SEMA4D: variants seen among roughly 807,000 people sequenced by gnomAD.
The protein encoded by SEMA4D is semaphorin-4D.
In SEMA4D, 22 loss-of-function variants were observed where a neutral mutation model predicts 74.8. The observed-to-expected ratio is 0.29, with a 90% CI of 0.21 to 0.42. The LOEUF (loss-of-function observed/expected upper bound fraction) is 0.42. Among genes scored for constraint, SEMA4D ranks in the 10% least tolerant of loss-of-function variants. The probability of loss-of-function intolerance (pLI) is 1.00; values close to 1 mark genes in which losing one functional copy is unlikely to be tolerated. For synonymous variants in SEMA4D, 445 were observed against 463.7 expected (o/e 0.96, Z 0.52); for missense variants, 937 against 1,118.4 (o/e 0.84, Z 2.31).
chr9:89,385,817 C>G (rs936249162), intron 13 of SEMA4D: 3 of 798,256 alleles, frequency 3.8e-6, no homozygotes, highest in Non-Finnish European at 4.5e-6. Flanking sequence ...TTGGAGGTCC[C>G]GTTAGGAGCC....
At chr9:89,361,614 A>G (rs1832771949) in exon 19 of SEMA4D, 1 of 152,230 alleles carries the variant, frequency 6.6e-6, no homozygotes, top group African/African-American at 2.4e-5. Flanking sequence ...TCGTCAAGAA[A>G]TTTAATATGG....
Position 89,427,447 on chromosome 9 carries a change from C to A in SEMA4D, c.-243-21748G>T, listed in dbSNP as rs575935543. 1.3e-3 allele frequency among the ~76,000 whole-genome samples: 198 copies of A among 152,278 alleles called. 2 individuals are homozygous for A. The highest frequency in any genetic ancestry group is 2.3e-3 in the Non-Finnish European group (156 of 68,002). On this transcript the variant is annotated intron_variant, in intron 2 of 15. Coordinates refer to ENST00000422704, the MANE Select transcript of SEMA4D (RefSeq NM_001371194.2). ...GAGACAGCCGGGGCCTGGGGAGTAA[C>A]CCCTGCCGTCCTCTCAGTGTGAAAG... is the stretch of plus-strand genomic sequence containing the variant.
exon 19 of SEMA4D, chr9:89,362,342 G>A (rs565977328): frequency 8.1e-6 from 13 of 1,613,990 alleles, no homozygotes; most frequent in Admixed American, 5.0e-5. Flanking sequence ...GGTGGCTGTG[G>A]TCAGTGGCAG....
chr9:89,491,667 T>G (rs532525730), intron 1 of SEMA4D, among the ~76,000 whole-genome samples: 2 of 152,110 alleles, frequency 1.3e-5, no homozygotes, highest in Non-Finnish European at 2.9e-5. Context: ...AGGGGTGCAA[T>G]GCCGCTGGTG....
chr9:89,441,733 A>G (rs991405205), intron 2 of SEMA4D, among the ~76,000 whole-genome samples: 1 of 152,062 alleles, frequency 6.6e-6, no homozygotes, highest in African/African-American at 2.4e-5. Context: ...TTCAGCCCCA[A>G]TACCTGTCTA....
intron 1 of SEMA4D, chr9:89,472,316 G>T: frequency 2.3e-6 from 1 of 438,450 alleles, no homozygotes. Flanking sequence ...GGCCAGAAAG[G>T]AGGAGGAGAT....
Position 89,455,909 on chromosome 9 carries a change from C to T in SEMA4D, c.-265G>A, listed in dbSNP as rs1008726043. ...TTACCAAACCATCAGTGTCGTCAAA[C>T]ATTTCAGCACATGGTTTCTTTCCAC... On this transcript the variant is annotated 5_prime_UTR_variant, in exon 2 of 16. It removes an upstream start codon present in the reference 5' UTR. Coordinates refer to ENST00000422704, the MANE Select transcript of SEMA4D (RefSeq NM_001371194.2). 5.3e-5 allele frequency: 8 copies of T among 152,282 alleles called. No individual in the cohort carries two copies. The highest frequency in any genetic ancestry group is 1.9e-4 in the African/African-American group (8 of 41,472). 9.4% of individuals were successfully genotyped at this position (152,282 alleles called of 1,614,324 possible).
At chr9:89,451,431 C>A (rs1217960543) in intron 2 of SEMA4D, among the ~76,000 whole-genome samples, 1 of 152,204 alleles carries the variant, frequency 6.6e-6, no homozygotes, top group Non-Finnish European at 1.5e-5. Flanking sequence ...CTCAACCTTA[C>A]CCTTTTCTCT....
intron 13 of SEMA4D, 198 bp downstream of exon 13, chr9:89,386,169 G>C: frequency 2.8e-6 from 2 of 723,666 alleles, no homozygotes; most frequent in Non-Finnish European, 1.7e-6. Context: ...CCCCAGGTCT[G>C]CCTTCCTGCC....
At chr9:89,480,617 C>T (rs533230715) in intron 1 of SEMA4D, among the ~76,000 whole-genome samples, 8 of 152,344 alleles carry the variant, frequency 5.3e-5, no homozygotes, top group Admixed American at 4.6e-4. Flanking sequence ...GGTGGGCCAG[C>T]ACTGCTGGGG....
chr9:89,383,681 T>A lies in SEMA4D; in HGVS notation c.1447-2335A>T, dbSNP rs374011174. Among the ~76,000 whole-genome samples the A allele has an allele frequency of 4.1e-4, 62 of 152,238 alleles. 3 individuals are homozygous for A. The South Asian group carries it at 0.01, about 25-fold the overall frequency. Reference sequence around the variant, plus strand: ...AAATGCACACTGGCTATGTGAGACATCGGACATGTGGAGCTAGGTGGGGGC... The same window carrying A: ...AAATGCACACTGGCTATGTGAGACAACGGACATGTGGAGCTAGGTGGGGGC... On this transcript the variant is annotated intron_variant, in intron 13 of 15. Coordinates refer to ENST00000422704, the MANE Select transcript of SEMA4D (RefSeq NM_001371194.2).
intron 2 of SEMA4D, among the ~76,000 whole-genome samples, chr9:89,454,203 C>T (rs990256266): frequency 6.6e-6 from 1 of 152,200 alleles, no homozygotes; most frequent in African/African-American, 2.4e-5. Context: ...AGGGCCAAGG[C>T]ACCCCTGAGG....
chr9:89,471,094 T>C (rs1029774962), intron 1 of SEMA4D, among the ~76,000 whole-genome samples: 3 of 152,244 alleles, frequency 2.0e-5, no homozygotes, highest in African/African-American at 2.4e-5. Flanking sequence ...ACCAATTTGA[T>C]TGAAATGTCT....
intron 2 of SEMA4D, among the ~76,000 whole-genome samples, chr9:89,406,741 A>G (rs1224381935): frequency 6.6e-6 from 1 of 152,024 alleles, no homozygotes; most frequent in Non-Finnish European, 1.5e-5. Flanking sequence ...TCCCCCTTCT[A>G]TCCAGGAGTC....
chr9:89,471,376 A>G (rs1435252693), intron 1 of SEMA4D, among the ~76,000 whole-genome samples: 7 of 152,272 alleles, frequency 4.6e-5, no homozygotes, highest in Admixed American at 4.6e-4. Context: ...TTATTTTACC[A>G]CAATTGTAAA....
exon 19 of SEMA4D, chr9:89,362,340 T>C: frequency 6.2e-7 from 1 of 1,613,914 alleles, no homozygotes; most frequent in East Asian, 2.2e-5. Context: ...GGGGTGGCTG[T>C]GGTCAGTGGC....
chr9:89,420,504 C>G (rs948015139), intron 2 of SEMA4D, among the ~76,000 whole-genome samples: 1 of 152,228 alleles, frequency 6.6e-6, no homozygotes, highest in African/African-American at 2.4e-5. Flanking sequence ...CTGGTGCACC[C>G]CCTCTAGTGC....
rs1824722745 is a variant in SEMA4D, at chr9:89,481,794, AG to A, written c.-310+16124del. On this transcript the variant is annotated intron_variant, in intron 1 of 15. Coordinates refer to ENST00000422704, the MANE Select transcript of SEMA4D (RefSeq NM_001371194.2). ...TGTGATCAGCTGGGGAGTGGTGAGC[AG>A]GGGGCCCCAGGGCCCTGTGCTCTGC... Among the ~76,000 whole-genome samples the A allele has an allele frequency of 2.0e-5, 3 of 152,226 alleles. No homozygotes were observed. The South Asian group carries it at 6.2e-4, about 32-fold the overall frequency.
intron 1 of SEMA4D, among the ~76,000 whole-genome samples, chr9:89,496,812 A>G (rs1826052619): frequency 6.6e-6 from 1 of 152,192 alleles, no homozygotes; most frequent in South Asian, 2.1e-4. Context: ...ATGAGGTGAC[A>G]GGCCACTGGT....
Sources: allele counts gnomAD v4.1 joint callset (sites outside exome capture counted in the v4.1 genomes callset), GRCh38; gene constraint gnomAD v4.1.1; transcripts MANE v1.5; gene names NCBI Gene and HGNC (gene_info 2026-07-23, HGNC 2026-07-21).